Variants in KCNH7 observed in about 807,000 individuals in gnomAD.
KCNH7 encodes potassium voltage-gated channel subfamily H member 7.
In KCNH7, 49 loss-of-function variants were observed where a neutral mutation model predicts 120.8. The observed-to-expected ratio is 0.41, with a 90% CI of 0.32 to 0.51. KCNH7 has a LOEUF of 0.51. KCNH7 is among the 20% of genes least tolerant of loss of function. KCNH7 has a pLI of 0.38. For synonymous variants in KCNH7, 547 were observed against 516.1 expected, an observed-to-expected ratio of 1.06 and a Z score of -0.81; for missense variants, 1,097 against 1,446.6, an observed-to-expected ratio of 0.76 and a Z score of 3.92.
chr2:162,415,329 A>G (rs1421133515), intron 9 of KCNH7, among the ~76,000 whole-genome samples: 1 of 152,118 alleles, frequency 6.6e-6, no homozygotes, highest in Non-Finnish European at 1.5e-5. Context: ...TATCTATGAA[A>G]TGCACCAGCA....
intron 2 of KCNH7, among the ~76,000 whole-genome samples, chr2:162,704,581 A>C (rs1686629810): frequency 6.6e-6 from 1 of 152,208 alleles, no homozygotes; most frequent in African/African-American, 2.4e-5. Context: ...TGTGGTTCAA[A>C]AATCCACAGC....
intron 2 of KCNH7, among the ~76,000 whole-genome samples, chr2:162,660,863 A>T (rs1002277795): frequency 6.6e-6 from 1 of 152,208 alleles, no homozygotes; most frequent in Non-Finnish European, 1.5e-5. Flanking sequence ...TCATACAGCT[A>T]CTTCAAGGTG....
At chr2:162,624,083 C>T (rs922309457) in intron 2 of KCNH7, among the ~76,000 whole-genome samples, 1 of 152,050 alleles carries the variant, frequency 6.6e-6, no homozygotes, top group African/African-American at 2.4e-5. Flanking sequence ...CACTGCCTGC[C>T]CACCTCCTCC....
At position 162,786,704 on chromosome 2, in the gene KCNH7, C is replaced by T. The variant is rs181880073; in HGVS notation, c.307+49833G>A. The stretch of plus-strand genomic sequence containing the variant: ...CATGCTTAAATTTACTGAACATGAC[C>T]TATGTTGATTTGGGGAGGTATCCAG... On this transcript the variant is annotated intron_variant, in intron 2 of 15. Coordinates refer to ENST00000332142, the MANE Select transcript of KCNH7 (RefSeq NM_033272.4). Among the ~76,000 whole-genome samples, 338 of 152,206 alleles carry T rather than the reference C, an allele frequency of 2.2e-3. 3 individuals are homozygous for T. Among genetic ancestry groups the T allele is most frequent in the African/African-American group, 7.8e-3 (322 of 41,520 alleles).
intron 2 of KCNH7, among the ~76,000 whole-genome samples, chr2:162,603,403 T>C (rs1294505577): frequency 6.6e-6 from 1 of 152,124 alleles, no homozygotes; most frequent in African/African-American, 2.4e-5. Context: ...AAAGATTGTT[T>C]TTGGTTCCAT....
At chr2:162,677,933 A>G (rs1559077522) in intron 2 of KCNH7, among the ~76,000 whole-genome samples, 1 of 151,614 alleles carries the variant, frequency 6.6e-6, no homozygotes, top group Admixed American at 6.6e-5. Context: ...GTCTCTTTTT[A>G]AAGTGCCAGC....
intron 2 of KCNH7, among the ~76,000 whole-genome samples, chr2:162,684,503 G>GA (rs1258843064): frequency 6.6e-6 from 1 of 151,836 alleles, no homozygotes; most frequent in Non-Finnish European, 1.5e-5. Context: ...AAATTTACAA[G>GA]AAAAAAACAA....
At chr2:162,610,257 G>GT (rs1034072004) in intron 2 of KCNH7, among the ~76,000 whole-genome samples, 1 of 152,116 alleles carries the variant, frequency 6.6e-6, no homozygotes, top group African/African-American at 2.4e-5. Context: ...AGCCTCACCT[G>GT]AACACCTGGG....
intron 6 of KCNH7, among the ~76,000 whole-genome samples, chr2:162,469,753 C>A (rs1021706906): frequency 1.3e-4 from 20 of 151,958 alleles, no homozygotes; most frequent in Non-Finnish European, 1.9e-4. Flanking sequence ...CCCTCTGATG[C>A]CGAGCTGAAG....
chr2:162,748,820 T>TCCCCC (rs1559113761), intron 2 of KCNH7, among the ~76,000 whole-genome samples: 5 of 94,638 alleles, frequency 5.3e-5, no homozygotes, highest in African/African-American at 1.4e-4. Flanking sequence ...TTAATCCTTC[T>TCCCCC]CCCTCCCCTC....
At chr2:162,557,390 G>A (rs1159226876) in intron 2 of KCNH7, among the ~76,000 whole-genome samples, 2 of 152,176 alleles carry the variant, frequency 1.3e-5, no homozygotes, top group East Asian at 3.9e-4. Context: ...TAAGGTTGAA[G>A]CTTACAACCA....
intron 6 of KCNH7, among the ~76,000 whole-genome samples, chr2:162,491,843 T>C (rs987370957): frequency 5.9e-5 from 9 of 152,184 alleles, no homozygotes; most frequent in African/African-American, 1.9e-4. Context: ...TCTGTACTTC[T>C]CTCAAATGCC....
At chr2:162,622,220 C>T (rs1247962182) in intron 2 of KCNH7, among the ~76,000 whole-genome samples, 1 of 152,112 alleles carries the variant, frequency 6.6e-6, no homozygotes. Flanking sequence ...ATGATCAGCT[C>T]GGCATTCACA....
Position 162,694,192 on chromosome 2 carries a change from C to T in KCNH7, c.307+142345G>A, listed in dbSNP as rs145124710. On this transcript the variant is annotated intron_variant, in intron 2 of 15. Transcript: ENST00000332142. Reference sequence around the variant, plus strand: ...TACATAGCATAAGTATTATAAAGAACTCTCACCCATGCTTCAGAACATGGG... The same window carrying T: ...TACATAGCATAAGTATTATAAAGAATTCTCACCCATGCTTCAGAACATGGG... Among the ~76,000 whole-genome samples, 62 of 152,252 alleles carry T rather than the reference C, an allele frequency of 4.1e-4. No individual in the cohort carries two copies. In the East Asian group the frequency reaches 0.011, roughly 27 times the overall value.
intron 2 of KCNH7, among the ~76,000 whole-genome samples, chr2:162,829,898 A>G (rs1228880805): frequency 7.4e-6 from 1 of 134,950 alleles, no homozygotes. Flanking sequence ...TCTTCTCTTC[A>G]TTCTTTAAGT....
intron 2 of KCNH7, among the ~76,000 whole-genome samples, chr2:162,550,879 T>C (rs1454365447): frequency 7.2e-6 from 1 of 139,446 alleles, no homozygotes; most frequent in Non-Finnish European, 1.5e-5. Context: ...ATAACAAAAC[T>C]AGGCTAGATA....
At chr2:162,708,857 A>C (rs1009643326) in intron 2 of KCNH7, among the ~76,000 whole-genome samples, 1 of 152,120 alleles carries the variant, frequency 6.6e-6, no homozygotes, top group Non-Finnish European at 1.5e-5. Flanking sequence ...CAGATGACAC[A>C]GCTATGATGT....
chr2:162,804,587 G>C (rs1019139176), intron 2 of KCNH7, among the ~76,000 whole-genome samples: 2 of 151,898 alleles, frequency 1.3e-5, no homozygotes, highest in Non-Finnish European at 2.9e-5. Flanking sequence ...ACTGCTGAAA[G>C]AATTCATAGA....
intron 2 of KCNH7, among the ~76,000 whole-genome samples, chr2:162,756,196 C>A (rs1688784167): frequency 6.6e-6 from 1 of 151,956 alleles, no homozygotes; most frequent in South Asian, 2.1e-4. Context: ...CGAAGTAAAT[C>A]AATATTTTAA....
Sources: gnomAD v4.1 joint callset for allele counts (sites outside exome capture counted in the v4.1 genomes callset) on GRCh38, gnomAD v4.1.1 for gene constraint, MANE v1.5 for transcripts, NCBI Gene and HGNC (gene_info 2026-07-23, HGNC 2026-07-21) for gene names.